ADGRE3: variants seen among roughly 807,000 people sequenced by gnomAD.
ADGRE3 encodes EGF-like module receptor 3.
A neutral mutation model predicts 80.1 loss-of-function variants in ADGRE3; 88 were observed. That is an observed-to-expected ratio of 1.10 (90% confidence interval 0.93 to 1.31). ADGRE3 has a LOEUF of 1.31. ADGRE3 is among the 40% of genes most tolerant of loss of function. The pLI, the probability that ADGRE3 is intolerant of heterozygous loss-of-function variation, is 0.00. For synonymous variants in ADGRE3, 281 were observed against 294.8 expected, an observed-to-expected ratio of 0.95 and a Z score of 0.48; for missense variants, 715 against 776.5, an observed-to-expected ratio of 0.92 and a Z score of 0.94.
the ADGRE3 span, among the ~76,000 whole-genome samples, chr19:14,601,941 C>T: frequency 2.6e-4 from 40 of 152,086 alleles, no homozygotes; most frequent in East Asian, 2.7e-3. Context: ...TACAGGCGCC[C>T]GCCACCACAC....
At chr19:14,641,981 T>A (rs1307356390) in intron 9 of ADGRE3, among the ~76,000 whole-genome samples, 1 of 152,140 alleles carries the variant, frequency 6.6e-6, no homozygotes, top group Non-Finnish European at 1.5e-5. Flanking sequence ...TTTGGACATA[T>A]GATTTTTTTC....
At chr19:14,626,302 T>C (rs1306579135) in intron 14 of ADGRE3, among the ~76,000 whole-genome samples, 2 of 151,956 alleles carry the variant, frequency 1.3e-5, no homozygotes, top group Admixed American at 6.6e-5. Flanking sequence ...ATGGGAGTGG[T>C]GGCTCATGAC....
intron 7 of ADGRE3, among the ~76,000 whole-genome samples, chr19:14,650,679 C>G (rs1441935502): frequency 7.1e-6 from 1 of 141,602 alleles, no homozygotes; most frequent in African/African-American, 2.6e-5. Context: ...CTCTCTCTCT[C>G]TCTCCCCTCT....
At chr19:14,632,227 C>T (rs946999332) in intron 13 of ADGRE3, among the ~76,000 whole-genome samples, 1 of 152,068 alleles carries the variant, frequency 6.6e-6, no homozygotes, top group Admixed American at 6.6e-5. Context: ...TGTGACATTA[C>T]CAGATTCATT....
intron 15 of ADGRE3, among the ~76,000 whole-genome samples, chr19:14,620,568 A>ATTTTTTTT (rs1189295641): frequency 1.8e-4 from 2 of 11,046 alleles, no homozygotes; most frequent in Non-Finnish European, 3.0e-4. Context: ...ATATATATAT[A>ATTTTTTTT]TTTTTTTTTT....
At chr19:14,642,335 A>G (rs1437285861) in intron 9 of ADGRE3, among the ~76,000 whole-genome samples, 2 of 151,822 alleles carry the variant, frequency 1.3e-5, no homozygotes, top group African/African-American at 4.8e-5. Flanking sequence ...AACAAGTGAG[A>G]CCCCGTATCT....
intron 2 of ADGRE3, among the ~76,000 whole-genome samples, chr19:14,666,674 G>A (rs928612935): frequency 1.9e-4 from 29 of 152,160 alleles, no homozygotes; most frequent in Non-Finnish European, 3.1e-4. Flanking sequence ...ACCGTGCCTG[G>A]CCTGTTGGCC....
chr19:14,600,768 G>T, the ADGRE3 span, among the ~76,000 whole-genome samples: 1 of 151,298 alleles, frequency 6.6e-6, no homozygotes, highest in African/African-American at 2.4e-5. Flanking sequence ...TGTATTTTTA[G>T]TAGAGACAGG....
At chr19:14,602,194 T>A in the ADGRE3 span, among the ~76,000 whole-genome samples, 1 of 152,014 alleles carries the variant, frequency 6.6e-6, no homozygotes. Flanking sequence ...TCATTATATT[T>A]AAAATGTTTT....
At chr19:14,660,360 C>T (rs760887272) in intron 4 of ADGRE3, among the ~76,000 whole-genome samples, 3 of 152,166 alleles carry the variant, frequency 2.0e-5, no homozygotes, top group Non-Finnish European at 4.4e-5. Context: ...AGTGCTGTGG[C>T]TTATGCCTAT....
At chr19:14,662,417 G>T (rs1413378891) in intron 3 of ADGRE3, among the ~76,000 whole-genome samples, 2 of 152,138 alleles carry the variant, frequency 1.3e-5, no homozygotes, top group East Asian at 1.9e-4. Context: ...ACGGAGTCTT[G>T]CTCTGTCATC....
intron 4 of ADGRE3, among the ~76,000 whole-genome samples, 173 bp from the exon 5 acceptor site, chr19:14,658,723 A>C (rs6511950): frequency 6.6e-6 from 1 of 151,696 alleles, no homozygotes; most frequent in African/African-American, 2.4e-5. Context: ...AATTTTATTT[A>C]AAAAATTTTT....
chr19:14,664,573 G>T (rs1305902270), intron 2 of ADGRE3, among the ~76,000 whole-genome samples: 4 of 152,112 alleles, frequency 2.6e-5, no homozygotes, highest in Admixed American at 2.6e-4. Flanking sequence ...GCCAGTCATG[G>T]TGGCATGTGC....
intron 10 of ADGRE3, among the ~76,000 whole-genome samples, chr19:14,640,264 G>A (rs185267131): frequency 2.6e-5 from 4 of 152,156 alleles, no homozygotes; most frequent in South Asian, 2.1e-4. Context: ...CTTGCTATGG[G>A]GGGGACAAAA....
intron 2 of ADGRE3, among the ~76,000 whole-genome samples, chr19:14,665,958 A>ATATATATATATATATATATATATATG (rs1972091420): frequency 8.1e-6 from 1 of 123,754 alleles, no homozygotes; most frequent in East Asian, 2.6e-4. Context: ...ATATATATAT[A>ATATATATATATATATATATATATATG]TATATATATA....
chr19:14,647,183 T>C lies in ADGRE3; in HGVS notation c.880A>G (p.Lys294Glu). 1 of 1,613,514 alleles carries C rather than the reference T, an allele frequency of 6.2e-7. No individual in the cohort carries two copies. The highest frequency in any genetic ancestry group is 8.5e-7 in the Non-Finnish European group (1 of 1,179,660). ...KSVTLTFQHVKMTPSTKKVFC... is the reference protein window; with the variant it reads ...KSVTLTFQHVEMTPSTKKVFC... ...CTCAAATCATACCTGTGACCCACCT[T>C]CACGTGCTGGAAAGTCAGCGTCACA... The change falls in exon 8 of 16, where the codon AAG becomes GAG. Residue 294 changes from lysine to glutamate, a missense_variant and splice_region_variant. Transcript: ENST00000253673.
intron 4 of ADGRE3, among the ~76,000 whole-genome samples, 199 bp downstream of exon 4, chr19:14,661,764 G>T (rs529392246): frequency 6.6e-6 from 1 of 152,176 alleles, no homozygotes; most frequent in South Asian, 2.1e-4. Context: ...GCTGGGCGTC[G>T]TGGTGCACGT....
intron 1 of ADGRE3, among the ~76,000 whole-genome samples, chr19:14,671,245 A>C (rs1325573950): frequency 6.6e-6 from 1 of 152,208 alleles, no homozygotes; most frequent in African/African-American, 2.4e-5. Flanking sequence ...CAGGTCTGGA[A>C]GTCAGAAGTC....
chr19:14,632,213 G>A (rs1204817259), intron 13 of ADGRE3, among the ~76,000 whole-genome samples: 2 of 152,144 alleles, frequency 1.3e-5, no homozygotes, highest in East Asian at 1.9e-4. Flanking sequence ...GGTGGACATA[G>A]CTTTGTGACA....
Sources: gnomAD v4.1 joint callset for allele counts (sites outside exome capture counted in the v4.1 genomes callset) on GRCh38, gnomAD v4.1.1 for gene constraint, MANE v1.5 for transcripts, NCBI Gene and HGNC (gene_info 2026-07-23, HGNC 2026-07-21) for gene names.